The following USP25 variants were observed in gnomAD, a reference collection of about 807,000 sequenced individuals.
The protein encoded by USP25 is ubiquitin specific peptidase 25.
Under a neutral mutation model 158.5 loss-of-function variants are expected in USP25, and 85 were observed. The ratio of observed to expected loss-of-function variants is 0.54; its 90% CI spans 0.45 to 0.64. The LOEUF (loss-of-function observed/expected upper bound fraction) is 0.64. Among genes scored for constraint, USP25 ranks in the 30% least tolerant of loss-of-function variants. The pLI, the probability that USP25 is intolerant of heterozygous loss-of-function variation, is 0.00. For synonymous variants in USP25, 464 were observed against 460.4 expected, an observed-to-expected ratio of 1.01 and a Z score of -0.10; for missense variants, 1,242 against 1,327.3, an observed-to-expected ratio of 0.94 and a Z score of 1.00.
At chr21:15,846,122 G>GTATATATATATATATATATATATATA (rs34210530) in intron 18 of USP25, among the ~76,000 whole-genome samples, 1 of 55,708 alleles carries the variant, frequency 1.8e-5, no homozygotes, top group Non-Finnish European at 3.1e-5. Context: ...GTGTGTGTGT[G>GTATATATATATATATATATATATATA]TATATATATA....
At chr21:15,772,946 G>A (rs1322299578) in intron 3 of USP25, among the ~76,000 whole-genome samples, 1 of 151,992 alleles carries the variant, frequency 6.6e-6, no homozygotes, top group African/African-American at 2.4e-5. Flanking sequence ...AAAATACCCT[G>A]TGAAAAGAAG....
intron 4 of USP25, among the ~76,000 whole-genome samples, chr21:15,782,401 C>G (rs2035015842): frequency 1.3e-5 from 2 of 152,198 alleles, no homozygotes; most frequent in South Asian, 4.1e-4. Flanking sequence ...CAGCTCAACC[C>G]TACATCACCA....
chr21:15,787,704 A>G (rs570383850), intron 4 of USP25, among the ~76,000 whole-genome samples: 2 of 152,140 alleles, frequency 1.3e-5, no homozygotes, highest in East Asian at 3.9e-4. Context: ...AGGAAATCAA[A>G]TGAGATGTTT....
At chr21:15,779,812 C>T (rs560852813) in intron 4 of USP25, among the ~76,000 whole-genome samples, 34 of 151,942 alleles carry the variant, frequency 2.2e-4, no homozygotes, top group Admixed American at 5.9e-4. Context: ...CATAGAGATT[C>T]GGCATAATGT....
chr21:15,753,599 G>A (rs2033177864), intron 1 of USP25, among the ~76,000 whole-genome samples: 1 of 151,998 alleles, frequency 6.6e-6, no homozygotes. Context: ...TTAGTAAGTG[G>A]GCCTGACTTA....
chr21:15,763,978 C>T (rs1423195151), intron 2 of USP25, among the ~76,000 whole-genome samples: 1 of 152,100 alleles, frequency 6.6e-6, no homozygotes, highest in Non-Finnish European at 1.5e-5. Context: ...GGAATAGAAA[C>T]CAAGGCAGCC....
chr21:15,817,668 C>G (rs1306988058), intron 9 of USP25, among the ~76,000 whole-genome samples: 1 of 152,146 alleles, frequency 6.6e-6, no homozygotes, highest in Non-Finnish European at 1.5e-5. Flanking sequence ...GCATGTCTCA[C>G]TTGGTGGCAG....
intron 1 of USP25, among the ~76,000 whole-genome samples, chr21:15,757,060 C>G (rs984440682): frequency 6.6e-5 from 10 of 152,030 alleles, no homozygotes; most frequent in African/African-American, 2.4e-4. Flanking sequence ...TGGGAAGGTA[C>G]AAACCTTGAA....
chr21:15,810,870 C>G (rs957534475), intron 8 of USP25, among the ~76,000 whole-genome samples: 1 of 152,172 alleles, frequency 6.6e-6, no homozygotes, highest in Non-Finnish European at 1.5e-5. Context: ...GTCAATTTCT[C>G]TTCCAAGTTC....
At position 15,799,635 on chromosome 21, in the gene USP25, T is replaced by G. The variant is rs1600950522; in HGVS notation, c.556-122T>G. ...AGAAGTATGTCCTCCTTGTGCCAGT[T>G]GCAATGATTCTGAGTATAAGTAGTA... On this transcript the variant is annotated intron_variant, in intron 5 of 25. Transcript: ENST00000400183. 7 of 527,128 alleles carry G rather than the reference T, an allele frequency of 1.3e-5. No individual in the cohort carries two copies. In the East Asian group the frequency reaches 2.1e-4, roughly 16 times the overall value. 32.7% of individuals were successfully genotyped at this position (527,128 alleles called of 1,614,324 possible).
At chr21:15,788,043 T>A (rs1359925316) in intron 4 of USP25, among the ~76,000 whole-genome samples, 1 of 151,966 alleles carries the variant, frequency 6.6e-6, no homozygotes, top group Non-Finnish European at 1.5e-5. Context: ...TTTATATTGC[T>A]TACTACCAAG....
intron 5 of USP25, among the ~76,000 whole-genome samples, chr21:15,798,442 C>CT (rs2035968294): frequency 6.6e-6 from 1 of 150,996 alleles, no homozygotes; most frequent in Non-Finnish European, 1.5e-5. Flanking sequence ...AACTCTTTTT[C>CT]TTTTTTCCTG....
chr21:15,799,967 T>A, intron 6 of USP25, 124 bp downstream of exon 6: 1 of 473,074 alleles, frequency 2.1e-6, no homozygotes, highest in Non-Finnish European at 3.6e-6. Context: ...GTCAATTCAT[T>A]AATCTTAGTT....
In USP25 at chr21:15,831,546, T is replaced by A; in HGVS notation, c.1910T>A (p.Val637Glu). ...ACAAAATCATCATGGGAAGAGCTAG[T>A]GAGGGACTCTTTTGGTGGTTATAGA... ...AVTKSSWEEL[V>E]RDSFGGYRNA... Residue 637 changes from valine to glutamate, a missense_variant, in exon 16 of 26, where the codon GTG (valine) becomes GAG (glutamate). This residue lies in a region of USP25 where 608 missense variants were observed against 605.2 expected (regional missense o/e 1.00). Transcript: ENST00000400183. 1.2e-6 allele frequency: 2 copies of A among 1,614,114 alleles called. No individual in the cohort carries two copies. The highest frequency in any genetic ancestry group is 1.7e-6 in the Non-Finnish European group (2 of 1,179,966).
intron 24 of USP25, among the ~76,000 whole-genome samples, chr21:15,874,850 TA>T (rs1399570480): frequency 2.0e-5 from 3 of 152,146 alleles, no homozygotes; most frequent in South Asian, 2.1e-4. Flanking sequence ...AGATAAGCCT[TA>T]AAAAATGTTT....
intron 4 of USP25, among the ~76,000 whole-genome samples, chr21:15,779,438 A>T (rs1052437618): frequency 2.6e-5 from 4 of 151,920 alleles, no homozygotes; most frequent in Admixed American, 2.0e-4. Flanking sequence ...TGTATACTTG[A>T]TACAAATATT....
intron 9 of USP25, among the ~76,000 whole-genome samples, chr21:15,814,021 C>T (rs962110864): frequency 1.1e-4 from 16 of 151,178 alleles, no homozygotes; most frequent in East Asian, 2.0e-4. Context: ...TGGTCTTTCT[C>T]GTGCTATTCT....
At chr21:15,838,176 A>C (rs2038149972) in intron 17 of USP25, among the ~76,000 whole-genome samples, 2 of 150,936 alleles carry the variant, frequency 1.3e-5, no homozygotes, top group African/African-American at 4.9e-5. Context: ...CAGTCCTCCC[A>C]CCTCAGCCTC....
Position 15,830,619 on chromosome 21 carries a change from C to G in USP25, c.1764+18C>G. ...TGATACAAGTAAGTGAAATTTTGAG[C>G]TAGTAATCATTGTCAAAATTATTTA... On this transcript the variant is annotated intron_variant, in intron 15 of 25. Coordinates refer to ENST00000400183, the MANE Select transcript of USP25 (RefSeq NM_001283041.3). 1 of 1,538,090 alleles carries G rather than the reference C, an allele frequency of 6.5e-7. No homozygotes were observed. The highest frequency in any genetic ancestry group is 8.8e-7 in the Non-Finnish European group (1 of 1,130,850).
Sources: allele counts gnomAD v4.1 joint callset (sites outside exome capture counted in the v4.1 genomes callset), GRCh38; gene constraint gnomAD v4.1.1; regional missense constraint gnomAD v4.1.1; transcripts MANE v1.5; gene names NCBI Gene and HGNC (gene_info 2026-07-23, HGNC 2026-07-21).